Variants in SLC43A2 observed in about 807,000 individuals in gnomAD.
SLC43A2 encodes large neutral amino acids transporter small subunit 4.
In SLC43A2, 38 loss-of-function variants were observed where a neutral mutation model predicts 63.2. That is an observed-to-expected ratio of 0.60 (90% CI 0.46 to 0.79). The LOEUF (loss-of-function observed/expected upper bound fraction) is 0.79, where lower values mean the gene tolerates loss of function less well. Ranked by LOEUF, SLC43A2 falls within the 30% of genes least tolerant of loss-of-function variation. SLC43A2 has a pLI of 0.00. For missense variants in SLC43A2, 644 were observed against 756.2 expected (o/e 0.85, Z 1.74); for synonymous variants, 322 against 331.0 (o/e 0.97, Z 0.30).
At position 1,605,817 on chromosome 17, in the gene SLC43A2, G is replaced by A. The variant is rs1341477187; in HGVS notation, c.501+7378C>T. On this transcript the variant is annotated intron_variant, in intron 5 of 13. Coordinates refer to ENST00000301335, the MANE Select transcript of SLC43A2 (RefSeq NM_152346.3). The surrounding 1 kb of genome is among the most constrained non-coding windows in gnomAD (Gnocchi z 4.9). ...GGGCACCTCCAAGCACATGCTGCCC[G>A]GGACAAGGTCCTTGTGGTCACCTTT... Among the ~76,000 whole-genome samples the A allele has an allele frequency of 6.6e-6, 1 of 152,116 alleles. No homozygotes were observed. Among genetic ancestry groups the A allele is most frequent in the African/African-American group, 2.4e-5 (1 of 41,390 alleles).
In SLC43A2 at chr17:1,573,487, G is replaced by C. The variant is rs1158062392; in HGVS notation, c.*2117C>G. ...GCGTTGGCAAAGTGCTGTCAGTGCTGGCTGTAAGGAAACAGGCTTGACTTT... is the reference window on the plus strand; with the variant it reads ...GCGTTGGCAAAGTGCTGTCAGTGCTCGCTGTAAGGAAACAGGCTTGACTTT... On this transcript the variant is annotated 3_prime_UTR_variant, in exon 14 of 14. Coordinates refer to ENST00000301335, the MANE Select transcript of SLC43A2 (RefSeq NM_152346.3). 1 of 152,252 alleles carries C rather than the reference G, an allele frequency of 6.6e-6. No homozygotes were observed. Among genetic ancestry groups the C allele is most frequent in the Non-Finnish European group, 1.5e-5 (1 of 68,046 alleles). 9.4% of individuals were successfully genotyped at this position (152,252 alleles called of 1,614,324 possible). A position where few individuals can be genotyped will look rare whatever the true frequency, so the allele number is the denominator to read the frequency against.
At chr17:1,620,616 G>A (rs755648344) in intron 2 of SLC43A2, among the ~76,000 whole-genome samples, 200 of 152,174 alleles carry the variant, frequency 1.3e-3, no homozygotes, top group Non-Finnish European at 1.8e-3. Context: ...AGGCCGTCCC[G>A]TCCAGCAACA....
Position 1,583,367 on chromosome 17 carries a change from A to C in SLC43A2, c.1218-31T>G. On this transcript the variant is annotated intron_variant, in intron 10 of 13. Transcript: ENST00000301335. The surrounding 1 kb of genome is among the most constrained non-coding windows in gnomAD (Gnocchi z 5.5). The stretch of plus-strand genomic sequence containing the variant: ...GAGACACAGAACGTGCAGGGGTGGG[A>C]GGGCTCCCCGGAGGAAGCCGGGTGC... 1 of 1,608,460 alleles carries C rather than the reference A, an allele frequency of 6.2e-7. No homozygotes were observed. Among genetic ancestry groups the C allele is most frequent in the African/African-American group, 1.3e-5 (1 of 74,946 alleles).
intron 4 of SLC43A2, among the ~76,000 whole-genome samples, chr17:1,614,322 G>A (rs890554009): frequency 8.6e-5 from 13 of 152,016 alleles, no homozygotes; most frequent in African/African-American, 2.7e-4. Flanking sequence ...GAAGTGGGAC[G>A]ATCGCTTGAG....
At chr17:1,627,974 C>T (rs1908845061) in intron 1 of SLC43A2, 54 bp from the exon 2 acceptor site, 3 of 1,286,614 alleles carry the variant, frequency 2.3e-6, no homozygotes, top group Admixed American at 4.3e-5. Context: ...CCTGCGGCCG[C>T]CCCCAGCAGC....
rs995623409 is a variant in SLC43A2, at chr17:1,577,798, T to C, written c.1424+452A>G. 2.6e-5 allele frequency among the ~76,000 whole-genome samples: 4 copies of C among 152,224 alleles called. No individual in the cohort carries two copies. The highest frequency in any genetic ancestry group is 2.6e-4 in the Admixed American group (4 of 15,284). On this transcript the variant is annotated intron_variant, in intron 12 of 13. Coordinates refer to ENST00000301335, the MANE Select transcript of SLC43A2 (RefSeq NM_152346.3). This position sits in a 1 kb window ranked among gnomAD's most constrained non-coding sequence, Gnocchi z 4.9. ...GCCAGAGCTGGGCGCACTGAGGCTCTGGATGGGCCCGTCTGGTGTATTCTG... is the reference window on the plus strand; with the variant it reads ...GCCAGAGCTGGGCGCACTGAGGCTCCGGATGGGCCCGTCTGGTGTATTCTG...
At chr17:1,623,618 G>C (rs542514429) in intron 2 of SLC43A2, among the ~76,000 whole-genome samples, 30 of 145,576 alleles carry the variant, frequency 2.1e-4, no homozygotes, top group South Asian at 6.5e-4. Context: ...CTCCTCCAGG[G>C]TGTACCCTCC....
rs75217944 is a variant in SLC43A2, at chr17:1,569,906, G to A, written c.*5698C>T. The A allele has an allele frequency of 3.2e-5, 1 of 31,612 alleles. No individual in the cohort carries two copies. Among genetic ancestry groups the A allele is most frequent in the African/African-American group, 1.4e-4 (1 of 7,368 alleles). The allele number at this position is 31,612 out of a possible 1,614,324, so 2.0% of individuals were successfully genotyped here. ...TTTTTTTTTTTTTTTTTTTTTTTTT[G>A]AGACGGAGTCTTGCTCTGTCGCCCA... On this transcript the variant is annotated 3_prime_UTR_variant, in exon 14 of 14. Transcript: ENST00000301335.
chr17:1,569,427 G>T lies in SLC43A2; in HGVS notation c.*6177C>A, dbSNP rs1010701936. ...CCTTCAGGCTCCCTTCCGAGGGCCT[G>T]GGCGGGGTCTTGGGGCCGCTCCTGC... On this transcript the variant is annotated 3_prime_UTR_variant, in exon 14 of 14. Coordinates refer to ENST00000301335, the MANE Select transcript of SLC43A2 (RefSeq NM_152346.3). 3.9e-5 allele frequency: 6 copies of T among 152,240 alleles called. No homozygotes were observed. The highest frequency in any genetic ancestry group is 1.4e-4 in the African/African-American group (6 of 41,444). The allele number at this position is 152,240 out of a possible 1,614,324, so 9.4% of individuals were successfully genotyped here. A position where few individuals can be genotyped will look rare whatever the true frequency, so the allele number is the denominator to read the frequency against.
intron 11 of SLC43A2, among the ~76,000 whole-genome samples, chr17:1,582,620 C>T (rs547127804): frequency 5.3e-5 from 8 of 152,326 alleles, no homozygotes; most frequent in East Asian, 1.9e-4. Flanking sequence ...TTATGCAAGA[C>T]GCCCCCAAAA....
At chr17:1,626,147 T>C (rs923826223) in intron 2 of SLC43A2, among the ~76,000 whole-genome samples, 12 of 149,152 alleles carry the variant, frequency 8.0e-5, no homozygotes, top group South Asian at 2.1e-4. Context: ...AAAAGCTTTC[T>C]CTGGGGACGA....
Position 1,578,428 on chromosome 17 carries a change from C to G in SLC43A2, c.1351-105G>C. The G allele has an allele frequency of 8.9e-7, 1 of 1,127,626 alleles. No homozygotes were observed. Among genetic ancestry groups the G allele is most frequent in the East Asian group, 2.7e-5 (1 of 37,208 alleles). 69.9% of individuals were successfully genotyped at this position (1,127,626 alleles called of 1,614,324 possible). Reference sequence around the variant, plus strand: ...CCCTCACCCCAGGGGCAGTGTCAGCCTGGAGTTGGATCAACCCCATCCTCC... The same window carrying G: ...CCCTCACCCCAGGGGCAGTGTCAGCGTGGAGTTGGATCAACCCCATCCTCC... On this transcript the variant is annotated intron_variant, in intron 11 of 13. Coordinates refer to ENST00000301335, the MANE Select transcript of SLC43A2 (RefSeq NM_152346.3). This position sits in a 1 kb window ranked among gnomAD's most constrained non-coding sequence, Gnocchi z 6.5.
intron 2 of SLC43A2, among the ~76,000 whole-genome samples, chr17:1,624,636 G>A (rs2151083802): frequency 6.6e-6 from 1 of 152,122 alleles, no homozygotes; most frequent in Non-Finnish European, 1.5e-5. Flanking sequence ...CATGCTTGCA[G>A]GCCCAGCACT....
At chr17:1,576,537 G>A in intron 13 of SLC43A2, 60 bp downstream of exon 13, 1 of 1,541,542 alleles carries the variant, frequency 6.5e-7, no homozygotes, top group Admixed American at 2.0e-5. Context: ...GGACCTTGCA[G>A]CTCGCAGTTA....
At chr17:1,599,608 G>C (rs1347049977) in intron 5 of SLC43A2, among the ~76,000 whole-genome samples, 1 of 151,620 alleles carries the variant, frequency 6.6e-6, no homozygotes, top group Non-Finnish European at 1.5e-5. Context: ...GGCTGAAGCA[G>C]CAGAATCGCT....
chr17:1,598,040 C>T (rs573972293), intron 5 of SLC43A2, among the ~76,000 whole-genome samples: 138 of 152,252 alleles, frequency 9.1e-4, no homozygotes, highest in African/African-American at 3.3e-3. Context: ...CATATCTACC[C>T]CAGTGAGAAT....
In SLC43A2 at chr17:1,623,657, C is replaced by G. The variant is rs531058279; in HGVS notation, c.160+4058G>C. Among the ~76,000 whole-genome samples, 19 of 149,774 alleles carry G rather than the reference C, an allele frequency of 1.3e-4. No homozygotes were observed. The South Asian group carries it at 4.1e-3, about 32-fold the overall frequency. On this transcript the variant is annotated intron_variant, in intron 2 of 13. Transcript: ENST00000301335. ...CCTCCAGGCTGTACCCTCCTCTCCT[C>G]CAGGGCGTACCCTCCTCTCCTCCAG...
intron 5 of SLC43A2, among the ~76,000 whole-genome samples, chr17:1,612,792 C>T (rs543320121): frequency 3.9e-5 from 6 of 152,250 alleles, no homozygotes; most frequent in East Asian, 3.9e-4. Context: ...ACCAACATGG[C>T]GAAACCCCAT....
intron 9 of SLC43A2, chr17:1,586,929 C>CAGGG: frequency 2.7e-5 from 18 of 657,322 alleles, no homozygotes; most frequent in Non-Finnish European, 4.5e-5. Flanking sequence ...CCCTGACAAT[C>CAGGG]CCCCCCACCC....
Sources: gnomAD v4.1 joint callset for allele counts (sites outside exome capture counted in the v4.1 genomes callset) on GRCh38, gnomAD v4.1.1 for gene constraint, Gnocchi (gnomAD v3.1) non-coding constraint, MANE v1.5 for transcripts, NCBI Gene and HGNC (gene_info 2026-07-23, HGNC 2026-07-21) for gene names.